Variants in CFTR observed in about 807,000 individuals in gnomAD.
CFTR encodes CF transmembrane conductance regulator.
In CFTR, 181 loss-of-function variants were observed where a neutral mutation model predicts 171.6. That is an observed-to-expected ratio of 1.05 (90% CI 0.93 to 1.19). The LOEUF is 1.19. CFTR is among the 50% of genes most tolerant of loss of function. CFTR has a pLI of 0.00. For synonymous variants in CFTR, 583 were observed against 608.0 expected (o/e 0.96, Z 0.60); for missense variants, 1,968 against 1,734.7 (o/e 1.13, Z -2.39).
intron 23 of CFTR, among the ~76,000 whole-genome samples, chr7:117,648,574 A>C (rs939485024): frequency 6.6e-6 from 1 of 152,162 alleles, no homozygotes; most frequent in African/African-American, 2.4e-5. Flanking sequence ...TAAAAGAGAG[A>C]TAAAGGGCCA....
intron 15 of CFTR, among the ~76,000 whole-genome samples, chr7:117,602,056 A>G (rs942655725): frequency 2.6e-5 from 4 of 152,144 alleles, no homozygotes; most frequent in Non-Finnish European, 4.4e-5. Context: ...TTTTAAGACA[A>G]TCTCACTCTG....
At chr7:117,490,813 T>C (rs1798148888) in intron 1 of CFTR, among the ~76,000 whole-genome samples, 1 of 152,052 alleles carries the variant, frequency 6.6e-6, no homozygotes, top group African/African-American at 2.4e-5. Context: ...GTACCTCTCT[T>C]CTCTAAATTT....
At chr7:117,610,029 A>T (rs532557719) in intron 18 of CFTR, among the ~76,000 whole-genome samples, 74 of 152,132 alleles carry the variant, frequency 4.9e-4, no homozygotes, top group African/African-American at 1.8e-3. Context: ...AATGTGGCAC[A>T]TATACACCAT....
chr7:117,646,506 A>T (rs191984490), intron 23 of CFTR, among the ~76,000 whole-genome samples: 1 of 152,246 alleles, frequency 6.6e-6, no homozygotes. Context: ...GCTGAGGGGC[A>T]AAAGGTCAGA....
intron 1 of CFTR, among the ~76,000 whole-genome samples, chr7:117,501,747 C>CAAAAAAAAAAAAAAAAAAAAAA (rs1212853305): frequency 3.0e-4 from 13 of 43,904 alleles, no homozygotes; most frequent in South Asian, 9.6e-4. Flanking sequence ...AACTCTGTCT[C>CAAAAAAAAAAAAAAAAAAAAAA]AAAAAAAAAA....
At chr7:117,625,316 A>T (rs892180789) in intron 21 of CFTR, among the ~76,000 whole-genome samples, 1 of 152,190 alleles carries the variant, frequency 6.6e-6, no homozygotes, top group Non-Finnish European at 1.5e-5. Context: ...GGTACATTCC[A>T]TTTGTCACAT....
At chr7:117,613,003 A>C (rs534045114) in intron 20 of CFTR, among the ~76,000 whole-genome samples, 45 of 152,106 alleles carry the variant, frequency 3.0e-4, no homozygotes, top group Non-Finnish European at 5.3e-4. Flanking sequence ...GTCCAACTGC[A>C]GTCTACTCTG....
chr7:117,661,175 T>C (rs1007742902), intron 24 of CFTR, among the ~76,000 whole-genome samples: 3 of 152,246 alleles, frequency 2.0e-5, no homozygotes, highest in African/African-American at 4.8e-5. Context: ...GTTTACTGAC[T>C]TCAATTTTAA....
At chr7:117,482,016 C>T (rs1798007191) in intron 1 of CFTR, among the ~76,000 whole-genome samples, 1 of 152,166 alleles carries the variant, frequency 6.6e-6, no homozygotes, top group Non-Finnish European at 1.5e-5. Flanking sequence ...CTAATGTTAA[C>T]TGCTATTATT....
In CFTR at chr7:117,592,047, A is replaced by G. The variant is rs1293871547; in HGVS notation, c.1880A>G (p.Tyr627Cys). 10 of 1,605,438 alleles carry G rather than the reference A, an allele frequency of 6.2e-6. No homozygotes were observed. Among genetic ancestry groups the G allele is most frequent in the African/African-American group, 1.3e-5 (1 of 74,486 alleles). ...TTGCATGAAGGTAGCAGCTATTTTT[A>G]TGGGACATTTTCAGAACTCCAAAAT... Reference protein sequence around the residue: ...LILHEGSSYFYGTFSELQNLQ... With the variant: ...LILHEGSSYFCGTFSELQNLQ... Residue 627 changes from tyrosine (Y) to cysteine (C), a missense_variant, in exon 14 of 27, where the codon TAT becomes TGT. By Grantham distance (194) the Tyr-to-Cys change is radical. Coordinates refer to ENST00000003084, the MANE Select transcript of CFTR (RefSeq NM_000492.4).
intron 2 of CFTR, among the ~76,000 whole-genome samples, chr7:117,504,584 T>C (rs1172400827): frequency 6.6e-6 from 1 of 151,956 alleles, no homozygotes; most frequent in Non-Finnish European, 1.5e-5. Flanking sequence ...CAAGATGTTA[T>C]CTCTACACAA....
chr7:117,612,699 C>T (rs1471356911), intron 20 of CFTR, among the ~76,000 whole-genome samples: 1 of 152,066 alleles, frequency 6.6e-6, no homozygotes, highest in Non-Finnish European at 1.5e-5. Flanking sequence ...ACAGAAAGGC[C>T]TCATGGAACA....
intron 17 of CFTR, chr7:117,604,777 C>T (rs1792278368): frequency 6.6e-6 from 1 of 152,146 alleles, no homozygotes; most frequent in African/African-American, 2.4e-5. Flanking sequence ...GAATTTTAGA[C>T]TCAAGATGTC....
At chr7:117,636,857 G>A (rs1246823077) in intron 22 of CFTR, among the ~76,000 whole-genome samples, 1 of 146,842 alleles carries the variant, frequency 6.8e-6, no homozygotes, top group Non-Finnish European at 1.5e-5. Context: ...TCTCACTGTT[G>A]CCCAGGCTGG....
chr7:117,545,882 A>T (rs1210246147), intron 9 of CFTR, among the ~76,000 whole-genome samples: 1 of 151,730 alleles, frequency 6.6e-6, no homozygotes, highest in Non-Finnish European at 1.5e-5. Flanking sequence ...GTGCAGTGGC[A>T]CAATCATAGC....
chr7:117,592,041 A>G lies in CFTR; in HGVS notation c.1874A>G (p.Tyr625Cys). ...KILILHEGSSYFYGTFSELQN... is the reference protein window; with the variant it reads ...KILILHEGSSCFYGTFSELQN... ...TTAATTTTGCATGAAGGTAGCAGCT[A>G]TTTTTATGGGACATTTTCAGAACTC... is the stretch of plus-strand genomic sequence containing the variant. Residue 625 changes from tyrosine (Y) to cysteine (C), a missense_variant, in exon 14 of 27, where the codon TAT (tyrosine) becomes TGT (cysteine). Physicochemically the swap from Tyr to Cys is radical, Grantham distance 194 (BLOSUM62 -2). Transcript: ENST00000003084. 1.2e-6 allele frequency: 2 copies of G among 1,605,332 alleles called. No individual in the cohort carries two copies. Among genetic ancestry groups the G allele is most frequent in the South Asian group, 1.1e-5 (1 of 88,894 alleles).
At chr7:117,579,404 G>T (rs932836530) in intron 11 of CFTR, among the ~76,000 whole-genome samples, 1 of 151,838 alleles carries the variant, frequency 6.6e-6, no homozygotes, top group Non-Finnish European at 1.5e-5. Flanking sequence ...AGTTAAGAGT[G>T]CATGCTTTGT....
intron 23 of CFTR, among the ~76,000 whole-genome samples, chr7:117,642,922 T>G (rs562306183): frequency 6.6e-6 from 1 of 152,288 alleles, no homozygotes; most frequent in African/African-American, 2.4e-5. Context: ...ATCGCCAGGT[T>G]GAGAAATGCT....
At chr7:117,482,847 C>T (rs151305969) in intron 1 of CFTR, among the ~76,000 whole-genome samples, 3,316 of 152,286 alleles carry the variant, frequency 0.022, 65 homozygotes, top group Middle Eastern at 0.099. Flanking sequence ...CCGTGTGTCA[C>T]ATGACATAAC....
Sources: gnomAD v4.1 joint callset for allele counts (sites outside exome capture counted in the v4.1 genomes callset) on GRCh38, gnomAD v4.1.1 for gene constraint, MANE v1.5 for transcripts, NCBI Gene and HGNC (gene_info 2026-07-23, HGNC 2026-07-21) for gene names.